The following RBFOX1 variants were observed in gnomAD, a reference collection of about 807,000 sequenced individuals.
The protein encoded by RBFOX1 is RNA binding protein fox-1 homolog 1.
RBFOX1 carries 8 observed loss-of-function variants against 57.7 expected under a neutral mutation model. The ratio of observed to expected loss-of-function variants is 0.14; its 90% confidence interval spans 0.08 to 0.25. RBFOX1 has a LOEUF of 0.25. Ranked by LOEUF, RBFOX1 falls within the 10% of genes least tolerant of loss-of-function variation. The pLI is 1.00. For missense variants in RBFOX1, 611 were observed against 548.5 expected (o/e 1.11, Z -1.14); for synonymous variants, 326 against 222.4 (o/e 1.47, Z -4.15).
chr16:7,140,191 T>TCTCTCTCC (rs1246403050), intron 4 of RBFOX1, among the ~76,000 whole-genome samples: 1 of 136,010 alleles, frequency 7.4e-6, no homozygotes, highest in African/African-American at 2.8e-5. Context: ...TCTCTCTCTC[T>TCTCTCTCC]CTCCCTCCTT....
chr16:7,350,407 G>C (rs571384600), intron 4 of RBFOX1, among the ~76,000 whole-genome samples: 3 of 152,158 alleles, frequency 2.0e-5, no homozygotes, highest in Non-Finnish European at 4.4e-5. Flanking sequence ...CACAAAGTCA[G>C]GTGTGCAATC....
chr16:6,568,340 C>G (rs1051106328), intron 2 of RBFOX1, among the ~76,000 whole-genome samples: 1 of 152,082 alleles, frequency 6.6e-6, no homozygotes, highest in Admixed American at 6.6e-5. Flanking sequence ...GGCCTCAGTT[C>G]TTCACCACAT....
chr16:6,098,265 T>G (rs1172244621), intron 1 of RBFOX1, among the ~76,000 whole-genome samples: 1 of 152,172 alleles, frequency 6.6e-6, no homozygotes, highest in East Asian at 1.9e-4. Flanking sequence ...CAAGGGGCTG[T>G]GACAGGCCCA....
chr16:6,891,458 C>G lies in RBFOX1; in HGVS notation c.-15-160599C>G, dbSNP rs911786201. 1.4e-4 allele frequency among the ~76,000 whole-genome samples: 22 copies of G among 151,844 alleles called. 1 individual carries two copies. Among genetic ancestry groups the G allele is most frequent in the Non-Finnish European group, 1.3e-4 (9 of 67,946 alleles). ...CCTTGTTGATGAAGACACATACACA[C>G]ACACACTAGAGAGAGAGAGAGAGAG... is the stretch of plus-strand genomic sequence containing the variant. On this transcript the variant is annotated intron_variant, in intron 3 of 15. Transcript: ENST00000550418.
intron 4 of RBFOX1, among the ~76,000 whole-genome samples, chr16:7,355,205 C>G (rs1298138686): frequency 1.3e-5 from 2 of 152,172 alleles, no homozygotes; most frequent in East Asian, 1.9e-4. Flanking sequence ...CATCAGTTGG[C>G]TTTGTGCTCC....
intron 14 of RBFOX1, chr16:7,693,274 C>G (rs1487878387): frequency 1.3e-6 from 2 of 1,582,004 alleles, no homozygotes; most frequent in Non-Finnish European, 1.7e-6. Context: ...GCACATTTCC[C>G]CCTGAGCGAG....
At chr16:6,799,843 G>C (rs1024534670) in intron 3 of RBFOX1, among the ~76,000 whole-genome samples, 1 of 152,104 alleles carries the variant, frequency 6.6e-6, no homozygotes, top group Non-Finnish European at 1.5e-5. Context: ...AGGCTGCGCT[G>C]TCAGCTTCCC....
At chr16:5,939,810 C>G (rs1244257911) in intron 4 of RBFOX1, among the ~76,000 whole-genome samples, 1 of 152,084 alleles carries the variant, frequency 6.6e-6, no homozygotes, top group Non-Finnish European at 1.5e-5. Context: ...TTCATAAAGC[C>G]ACAGCCATAC....
chr16:5,739,009 C>G (rs939338689), intron 3 of RBFOX1, among the ~76,000 whole-genome samples: 2 of 152,188 alleles, frequency 1.3e-5, no homozygotes, highest in Admixed American at 1.3e-4. Context: ...TCCACAAGGC[C>G]TTGCCTGAAT....
intron 2 of RBFOX1, among the ~76,000 whole-genome samples, chr16:6,405,027 GA>G (rs1225457655): frequency 1.3e-5 from 2 of 152,122 alleles, no homozygotes; most frequent in South Asian, 4.1e-4. Flanking sequence ...AGGTATAAAT[GA>G]ACTGCTAAGT....
intron 3 of RBFOX1, among the ~76,000 whole-genome samples, chr16:7,035,391 CTTAAA>C (rs941730670): frequency 2.0e-4 from 30 of 152,264 alleles, no homozygotes; most frequent in East Asian, 7.7e-4. Flanking sequence ...ACGTTATACA[CTTAAA>C]TTAAATAAAA....
chr16:5,944,097 A>G (rs988222043), intron 4 of RBFOX1, among the ~76,000 whole-genome samples: 1 of 152,178 alleles, frequency 6.6e-6, no homozygotes, highest in Non-Finnish European at 1.5e-5. Flanking sequence ...CATCAATTCC[A>G]TTCCAGACAC....
chr16:7,014,274 A>G (rs1217009047), intron 3 of RBFOX1, among the ~76,000 whole-genome samples: 1 of 151,298 alleles, frequency 6.6e-6, no homozygotes, highest in Non-Finnish European at 1.5e-5. Flanking sequence ...GTGCAGTGGC[A>G]TGATTTTGGC....
chr16:6,120,791 C>T (rs988269470), intron 1 of RBFOX1, among the ~76,000 whole-genome samples: 3 of 152,120 alleles, frequency 2.0e-5, no homozygotes, highest in Non-Finnish European at 2.9e-5. Flanking sequence ...CTTTGTAAGA[C>T]GTCAGTTCTG....
At chr16:6,660,222 C>A (rs2098692323) in intron 3 of RBFOX1, among the ~76,000 whole-genome samples, 2 of 135,954 alleles carry the variant, frequency 1.5e-5, no homozygotes, top group South Asian at 4.8e-4. Context: ...GAGACTTCAT[C>A]TTAAAAAAAA....
At chr16:7,279,863 C>T (rs925016187) in intron 4 of RBFOX1, among the ~76,000 whole-genome samples, 3 of 152,182 alleles carry the variant, frequency 2.0e-5, no homozygotes, top group African/African-American at 4.8e-5. Context: ...CCCTCAAGGA[C>T]TCATGAAGGC....
intron 3 of RBFOX1, among the ~76,000 whole-genome samples, chr16:5,731,163 TTCA>T (rs1478215106): frequency 1.3e-5 from 2 of 151,924 alleles, no homozygotes; most frequent in African/African-American, 4.8e-5. Flanking sequence ...TACCATCATC[TTCA>T]TCATCACCAC....
intron 4 of RBFOX1, among the ~76,000 whole-genome samples, chr16:7,401,494 CA>C (rs1384359162): frequency 2.0e-5 from 3 of 152,068 alleles, no homozygotes; most frequent in Non-Finnish European, 4.4e-5. Flanking sequence ...GACCCTCAAA[CA>C]GATTAGGTAG....
intron 3 of RBFOX1, among the ~76,000 whole-genome samples, chr16:6,759,201 A>G (rs1421407503): frequency 6.7e-6 from 1 of 148,516 alleles, no homozygotes; most frequent in Non-Finnish European, 1.5e-5. Context: ...CCCAGGCTGG[A>G]GTGCAGTGGC....
Sources: allele counts gnomAD v4.1 joint callset (sites outside exome capture counted in the v4.1 genomes callset), GRCh38; gene constraint gnomAD v4.1.1; transcripts MANE v1.5; gene names NCBI Gene and HGNC (gene_info 2026-07-23, HGNC 2026-07-21).